The following RANBP2 variants were observed in gnomAD, a reference collection of about 807,000 sequenced individuals.
The protein encoded by RANBP2 is RAN binding protein 2, also known as E3 SUMO-protein ligase RanBP2.
RANBP2 carries 57 observed loss-of-function variants against 303.6 expected under a neutral mutation model. That is an observed-to-expected ratio of 0.19 (90% confidence interval 0.15 to 0.23). RANBP2 has a LOEUF of 0.23. Among genes scored for constraint, RANBP2 ranks in the 10% least tolerant of loss-of-function variants. The pLI is 1.00. For missense variants in RANBP2, 3,138 were observed against 3,780.8 expected (o/e 0.83, Z 4.46); for synonymous variants, 1,167 against 1,301.5 (o/e 0.90, Z 2.23).
chr2:108,753,175 T>A lies in RANBP2; in HGVS notation c.1917+16T>A, dbSNP rs1676040440. On this transcript the variant is annotated intron_variant, in intron 13 of 28. Transcript: ENST00000283195. ...AGACATTCAGGTAACAGAGTTCCTT[T>A]ATGAATTTATTGGAGATGGGAATTT... 1.2e-6 allele frequency: 2 copies of A among 1,611,500 alleles called. No homozygotes were observed. The highest frequency in any genetic ancestry group is 4.5e-5 in the East Asian group (2 of 44,754).
chr2:109,585,303 T>C, the RANBP2 span: 1 of 1,602,004 alleles, frequency 6.2e-7, no homozygotes, highest in Admixed American at 1.7e-5. Flanking sequence ...CAGTGTTGAT[T>C]TTCCAATTCC....
chr2:108,810,237 A>G, the RANBP2 span, among the ~76,000 whole-genome samples: 74 of 152,142 alleles, frequency 4.9e-4, no homozygotes, highest in African/African-American at 1.7e-3. Flanking sequence ...TAGAGGAAAA[A>G]TTTTCAGCTT....
the RANBP2 span, chr2:109,545,869 G>C: frequency 2.8e-5 from 41 of 1,443,750 alleles, no homozygotes; most frequent in Admixed American, 5.4e-5. Flanking sequence ...GTGCTGTTCT[G>C]GATGCTGGGG....
At chr2:109,012,571 G>T in the RANBP2 span, among the ~76,000 whole-genome samples, 3 of 151,910 alleles carry the variant, frequency 2.0e-5, no homozygotes, top group African/African-American at 7.3e-5. Context: ...TCTGCTTTTA[G>T]CCCCTCCTCC....
intron 28 of RANBP2, 43 bp downstream of exon 28, chr2:108,782,905 G>GT (rs749881222): frequency 6.6e-7 from 1 of 1,506,898 alleles, no homozygotes; most frequent in South Asian, 1.1e-5. Context: ...GTCTTGAAGA[G>GT]TGCACCACAC....
rs1275465228 is a variant in RANBP2, at chr2:108,782,661, A to G, written c.9168A>G (p.Ala3056=). 2.5e-6 allele frequency: 4 copies of G among 1,614,224 alleles called. No homozygotes were observed. The highest frequency in any genetic ancestry group is 1.6e-4 in the Middle Eastern group (1 of 6,062). ...AGAAAGGACATGTATCACTGGCAGC[A>G]GAATTATCAAAGGAGACCAATCCTG... ...KLQKGHVSLA[A]ELSKETNPVV... The change falls in exon 28 of 29, where the codon GCA becomes GCG. Residue 3056 remains alanine (A), a synonymous_variant. Coordinates refer to ENST00000283195, the MANE Select transcript of RANBP2 (RefSeq NM_006267.5).
the RANBP2 span, among the ~76,000 whole-genome samples, chr2:109,035,318 A>G: frequency 2.6e-5 from 4 of 152,090 alleles, no homozygotes; most frequent in Non-Finnish European, 5.9e-5. Context: ...CAAGATGGAG[A>G]GTCCCATTCC....
At chr2:108,796,330 A>T in the RANBP2 span, among the ~76,000 whole-genome samples, 1 of 152,088 alleles carries the variant, frequency 6.6e-6, no homozygotes, top group Non-Finnish European at 1.5e-5. Flanking sequence ...CTGGGATTAC[A>T]GGCGTGAGCC....
At chr2:109,224,632 C>G in the RANBP2 span, among the ~76,000 whole-genome samples, 1 of 152,178 alleles carries the variant, frequency 6.6e-6, no homozygotes, top group East Asian at 1.9e-4. Flanking sequence ...CCAAGGCGGG[C>G]AGATCACTTG....
the RANBP2 span, among the ~76,000 whole-genome samples, chr2:109,175,780 G>A: frequency 6.6e-6 from 1 of 152,208 alleles, no homozygotes; most frequent in African/African-American, 2.4e-5. Context: ...TTCAAAGAGA[G>A]TCTAGAGTAA....
chr2:108,731,619 C>CT, intron 4 of RANBP2, 145 bp downstream of exon 4: 1 of 1,466,772 alleles, frequency 6.8e-7, no homozygotes, highest in Non-Finnish European at 9.2e-7. Flanking sequence ...GTGTTAAAAC[C>CT]TTTCTGAGCA....
chr2:109,144,316 T>C, the RANBP2 span, among the ~76,000 whole-genome samples: 1 of 152,368 alleles, frequency 6.6e-6, no homozygotes, highest in South Asian at 2.1e-4. Context: ...TTGTCTGTTA[T>C]ACCTCAATAA....
At chr2:109,602,300 C>T in the RANBP2 span, among the ~76,000 whole-genome samples, 1 of 146,322 alleles carries the variant, frequency 6.8e-6, no homozygotes, top group African/African-American at 2.6e-5. Flanking sequence ...AGATTAAGGA[C>T]AATAAAATTA....
the RANBP2 span, among the ~76,000 whole-genome samples, chr2:109,007,496 G>A: frequency 6.6e-6 from 1 of 152,192 alleles, no homozygotes; most frequent in Non-Finnish European, 1.5e-5. Flanking sequence ...CATATTTACT[G>A]CCACCTCTAA....
At chr2:109,088,665 C>A in the RANBP2 span, among the ~76,000 whole-genome samples, 1 of 151,982 alleles carries the variant, frequency 6.6e-6, no homozygotes, top group Non-Finnish European at 1.5e-5. Context: ...GCGTGCACCA[C>A]CACACCTGGC....
At chr2:109,743,368 C>T in the RANBP2 span, among the ~76,000 whole-genome samples, 6 of 148,630 alleles carry the variant, frequency 4.0e-5, 1 homozygote, top group African/African-American at 1.5e-4. Flanking sequence ...AATGATAAAA[C>T]TTTAAAAATA....
At chr2:109,246,366 A>G in the RANBP2 span, among the ~76,000 whole-genome samples, 5 of 152,146 alleles carry the variant, frequency 3.3e-5, no homozygotes, top group Admixed American at 1.3e-4. Flanking sequence ...AGAGGGGGCA[A>G]GGCAACTCTC....
At chr2:109,201,829 T>G in the RANBP2 span, among the ~76,000 whole-genome samples, 2 of 152,206 alleles carry the variant, frequency 1.3e-5, no homozygotes, top group Non-Finnish European at 2.9e-5. Context: ...GTTATTTAAA[T>G]GGGGCATAGT....
At chr2:109,575,668 T>C in the RANBP2 span, among the ~76,000 whole-genome samples, 1 of 152,190 alleles carries the variant, frequency 6.6e-6, no homozygotes, top group Non-Finnish European at 1.5e-5. Context: ...TCTTAACTAT[T>C]CTCATTAAAC....
Sources: gnomAD v4.1 joint callset for allele counts (sites outside exome capture counted in the v4.1 genomes callset) on GRCh38, gnomAD v4.1.1 for gene constraint, MANE v1.5 for transcripts, NCBI Gene and HGNC (gene_info 2026-07-23, HGNC 2026-07-21) for gene names.